ARID3A: variants seen among roughly 807,000 people sequenced by gnomAD.
The protein encoded by ARID3A is AT-rich interaction domain 3A.
In ARID3A, 11 loss-of-function variants were observed where a neutral mutation model predicts 52.7. The observed-to-expected ratio is 0.21, with a 90% confidence interval of 0.13 to 0.35. The LOEUF (loss-of-function observed/expected upper bound fraction) is 0.35. Among genes scored for constraint, ARID3A ranks in the 10% least tolerant of loss-of-function variants. The probability of loss-of-function intolerance (pLI) is 1.00; values close to 1 mark genes in which losing one functional copy is unlikely to be tolerated. For missense variants in ARID3A, 721 were observed against 838.5 expected (o/e 0.86, Z 1.73); for synonymous variants, 404 against 359.4 (o/e 1.12, Z -1.40).
At chr19:930,838 C>T (rs1599381220) in intron 2 of ARID3A, among the ~76,000 whole-genome samples, 1 of 151,504 alleles carries the variant, frequency 6.6e-6, no homozygotes, top group Non-Finnish European at 1.5e-5. Flanking sequence ...TAACTTAAAG[C>T]AACCTAGCCA....
intron 3 of ARID3A, among the ~76,000 whole-genome samples, chr19:948,047 C>A (rs1018441791): frequency 6.6e-6 from 1 of 152,144 alleles, no homozygotes. Context: ...ACACAGCAGA[C>A]GCTAGCTAAG....
chr19:934,930 C>G (rs2037407860), intron 3 of ARID3A, among the ~76,000 whole-genome samples: 1 of 152,188 alleles, frequency 6.6e-6, no homozygotes, highest in South Asian at 2.1e-4. Context: ...TTATCCTGGG[C>G]TGTTCGTGGC....
chr19:951,502 G>A (rs905172963), intron 3 of ARID3A, among the ~76,000 whole-genome samples: 6 of 152,050 alleles, frequency 3.9e-5, no homozygotes, highest in Non-Finnish European at 8.8e-5. Flanking sequence ...AGTGAGCTAT[G>A]ACTGCATCAC....
At chr19:926,102 A>G (rs2037190106) in intron 1 of ARID3A, 43 bp downstream of exon 1, 1 of 148,720 alleles carries the variant, frequency 6.7e-6, no homozygotes, top group South Asian at 2.1e-4. Flanking sequence ...GGGGGCCGGG[A>G]GCCAGCGGCG....
Position 973,740 on chromosome 19 carries a change from A to T in ARID3A, c.*1675A>T. On this transcript the variant is annotated 3_prime_UTR_variant, in exon 9 of 9. Coordinates refer to ENST00000263620, the MANE Select transcript of ARID3A (RefSeq NM_005224.3). ...GAGCTCCCCGAGTTCTGCGGTGACT[A>T]AATCGAGGCCGAGAAGGGAGGCTGC... 4.4e-6 allele frequency: 1 copy of T among 227,366 alleles called. No individual in the cohort carries two copies. The highest frequency in any genetic ancestry group is 8.7e-6 in the Non-Finnish European group (1 of 114,464). 14.1% of individuals were successfully genotyped at this position (227,366 alleles called of 1,614,324 possible). A position where few individuals can be genotyped will look rare whatever the true frequency, so the allele number is the denominator to read the frequency against.
intron 6 of ARID3A, chr19:965,366 C>G: frequency 5.1e-6 from 2 of 392,674 alleles, no homozygotes; most frequent in South Asian, 3.5e-5. Flanking sequence ...TTTTTCCAGT[C>G]TACACTGAGG....
chr19:940,817 G>A (rs563499121), intron 3 of ARID3A, among the ~76,000 whole-genome samples: 150 of 152,218 alleles, frequency 9.9e-4, no homozygotes, highest in Non-Finnish European at 1.9e-3. Flanking sequence ...GGGCTGTCGG[G>A]AAGCCCCCTG....
In ARID3A at chr19:959,743, T is replaced by G. The variant is rs1017240156; in HGVS notation, c.694-349T>G. ...AGAGAGAGACGGGGAGACGGTCTTG[T>G]GGAGACGGAGGCAGAGACTGGAGCG... On this transcript the variant is annotated intron_variant, in intron 3 of 8. Coordinates refer to ENST00000263620, the MANE Select transcript of ARID3A (RefSeq NM_005224.3). This position sits in a 1 kb window ranked among gnomAD's most constrained non-coding sequence, Gnocchi z 5.0. Among the ~76,000 whole-genome samples the G allele has an allele frequency of 4.6e-5, 7 of 151,558 alleles. No individual in the cohort carries two copies. Among genetic ancestry groups the G allele is most frequent in the African/African-American group, 1.5e-4 (6 of 41,196 alleles).
intron 3 of ARID3A, among the ~76,000 whole-genome samples, chr19:957,700 C>T (rs116904359): frequency 4.6e-5 from 7 of 152,030 alleles, no homozygotes; most frequent in Admixed American, 2.6e-4. Context: ...AAAACTTAGC[C>T]GGGTGTGATG....
In ARID3A at chr19:938,820, G is replaced by A. The variant is rs1001543199; in HGVS notation, c.693+6078G>A. 5.3e-5 allele frequency among the ~76,000 whole-genome samples: 8 copies of A among 152,142 alleles called. No individual in the cohort carries two copies. The highest frequency in any genetic ancestry group is 1.2e-4 in the African/African-American group (5 of 41,426). The stretch of plus-strand genomic sequence containing the variant: ...GCCAGGCAGCTCTCGGGAGTGAAGC[G>A]AGACCCCAGCAAGAAACGGGCATCC... On this transcript the variant is annotated intron_variant, in intron 3 of 8. Transcript: ENST00000263620. The surrounding 1 kb of genome is among the most constrained non-coding windows in gnomAD (Gnocchi z 4.0).
chr19:953,816 G>A (rs1009498962), intron 3 of ARID3A, among the ~76,000 whole-genome samples: 3 of 152,216 alleles, frequency 2.0e-5, no homozygotes, highest in East Asian at 1.9e-4. Context: ...GCTCCTGCCT[G>A]TAATCCCAGC....
At chr19:970,694 C>T (rs988853578) in intron 8 of ARID3A, among the ~76,000 whole-genome samples, 1 of 151,760 alleles carries the variant, frequency 6.6e-6, no homozygotes, top group Admixed American at 6.6e-5. Context: ...AGGCTGGTCT[C>T]GAACTCCTGA....
At chr19:968,574 T>G in intron 8 of ARID3A, 71 bp downstream of exon 8, 2 of 1,470,774 alleles carry the variant, frequency 1.4e-6, no homozygotes, top group Middle Eastern at 1.9e-4. Context: ...GACCCTGAGT[T>G]GCGCCTGGTC....
At position 929,440 on chromosome 19, in the gene ARID3A, C is replaced by CCCA; in HGVS notation, c.-88_-87insCAC. 33 of 1,268,174 alleles carry CCCA rather than the reference C, an allele frequency of 2.6e-5. No individual in the cohort carries two copies. The highest frequency in any genetic ancestry group is 4.8e-5 in the South Asian group (3 of 62,220). 78.6% of individuals were successfully genotyped at this position (1,268,174 alleles called of 1,614,324 possible). A position where few individuals can be genotyped will look rare whatever the true frequency, so the allele number is the denominator to read the frequency against. On this transcript the variant is annotated 5_prime_UTR_variant, in exon 2 of 9. Coordinates refer to ENST00000263620, the MANE Select transcript of ARID3A (RefSeq NM_005224.3). The surrounding 1 kb of genome is among the most constrained non-coding windows in gnomAD (Gnocchi z 6.2). ...CCCACGCTGCAGTGCGGCCGGGCCC[C>CCCA]CTCCCCGCAGGGGCCGCCCCCGCCG...
At position 975,736 on chromosome 19, in the gene ARID3A, G is replaced by GA. The variant is rs200120532; in HGVS notation, c.*3686dup. 1,800 of 92,610 alleles carry GA rather than the reference G, an allele frequency of 0.019. 2 individuals are homozygous for GA. Among genetic ancestry groups the GA allele is most frequent in the East Asian group, 0.029 (216 of 7,438 alleles). 5.7% of individuals were successfully genotyped at this position (92,610 alleles called of 1,614,324 possible). The stretch of plus-strand genomic sequence containing the variant: ...TCGCAGAACATTCAGGTATTAAAAG[G>GA]AAAAAAAAAAAAAAAGACAAAAAGA... On this transcript the variant is annotated 3_prime_UTR_variant, in exon 9 of 9. Coordinates refer to ENST00000263620, the MANE Select transcript of ARID3A (RefSeq NM_005224.3).
chr19:931,799 C>G (rs1378906753), intron 2 of ARID3A, among the ~76,000 whole-genome samples: 1 of 147,486 alleles, frequency 6.8e-6, no homozygotes, highest in Admixed American at 6.8e-5. Context: ...GACGACAGAG[C>G]GAGACTCCCT....
At chr19:931,799 C>T (rs1378906753) in intron 2 of ARID3A, among the ~76,000 whole-genome samples, 3 of 147,486 alleles carry the variant, frequency 2.0e-5, no homozygotes, top group African/African-American at 7.5e-5. Context: ...GACGACAGAG[C>T]GAGACTCCCT....
Position 960,181 on chromosome 19 carries a change from C to G in ARID3A, c.766+17C>G. On this transcript the variant is annotated intron_variant, in intron 4 of 8. Coordinates refer to ENST00000263620, the MANE Select transcript of ARID3A (RefSeq NM_005224.3). This position sits in a 1 kb window ranked among gnomAD's most constrained non-coding sequence, Gnocchi z 4.3. ...AGAAGCGAGGTGAGCCCTCTGCCCCCACCCCGCTGGAGGGAGGTCACAGAA... is the reference window on the plus strand; with the variant it reads ...AGAAGCGAGGTGAGCCCTCTGCCCCGACCCCGCTGGAGGGAGGTCACAGAA... 1.2e-6 allele frequency: 2 copies of G among 1,604,380 alleles called. No individual in the cohort carries two copies. The highest frequency in any genetic ancestry group is 2.2e-5 in the South Asian group (2 of 90,106).
At chr19:968,350 CTCTG>C (rs2038206334) in intron 7 of ARID3A, 51 bp from the exon 8 acceptor site, 1 of 1,517,494 alleles carries the variant, frequency 6.6e-7, no homozygotes, top group African/African-American at 1.4e-5. Context: ...CAGAGCAAGA[CTCTG>C]TCTCAAAAAA....
Sources: gnomAD v4.1 joint callset for allele counts (sites outside exome capture counted in the v4.1 genomes callset) on GRCh38, gnomAD v4.1.1 for gene constraint, Gnocchi (gnomAD v3.1) non-coding constraint, MANE v1.5 for transcripts, NCBI Gene and HGNC (gene_info 2026-07-23, HGNC 2026-07-21) for gene names.